Variants in CRAT observed in about 807,000 individuals in gnomAD.
CRAT encodes carnitine acetylase.
CRAT carries 66 observed loss-of-function variants against 73.7 expected under a neutral mutation model. The observed-to-expected ratio is 0.90, with a 90% CI of 0.73 to 1.10. CRAT has a LOEUF of 1.10. Ranked by LOEUF, CRAT falls within the 50% of genes least tolerant of loss-of-function variation. The pLI is 0.00. For missense variants in CRAT, 745 were observed against 846.9 expected, an observed-to-expected ratio of 0.88 and a Z score of 1.49; for synonymous variants, 321 against 343.2, an observed-to-expected ratio of 0.94 and a Z score of 0.71.
In CRAT at chr9:129,106,664, G is replaced by A. The variant is rs942360795; in HGVS notation, c.291+1150C>T. On this transcript the variant is annotated intron_variant, in intron 2 of 13. Transcript: ENST00000318080. This position sits in a 1 kb window ranked among gnomAD's most constrained non-coding sequence, Gnocchi z 4.0. The stretch of plus-strand genomic sequence containing the variant: ...CTGGAGTCCAAAGTCCTGACCTGAC[G>A]CGTCTCAGCAAATGTTGACAACTCC... 2.6e-5 allele frequency among the ~76,000 whole-genome samples: 4 copies of A among 152,098 alleles called. No homozygotes were observed. The highest frequency in any genetic ancestry group is 5.9e-5 in the Non-Finnish European group (4 of 68,018).
Position 129,104,253 on chromosome 9 carries a change from G to T in CRAT, c.345C>A (p.Val115=). 1 of 1,613,680 alleles carries T rather than the reference G, an allele frequency of 6.2e-7. No individual in the cohort carries two copies. Among genetic ancestry groups the T allele is most frequent in the South Asian group, 1.1e-5 (1 of 90,976 alleles). ...TAYLQYRQPV[V]IYSSPGVMLP... ...GCATCACGCCTGGGCTCGAGTAGATGACCACAGGCTGGCGGTACTGGAGGT... is the reference window on the plus strand; with the variant it reads ...GCATCACGCCTGGGCTCGAGTAGATTACCACAGGCTGGCGGTACTGGAGGT... The change falls in exon 3 of 14, where the codon GTC becomes GTA. Residue 115 remains valine (V), a synonymous_variant. Coordinates refer to ENST00000318080, the MANE Select transcript of CRAT (RefSeq NM_000755.5).
At chr9:129,102,160 G>T in intron 5 of CRAT, 103 bp from the exon 6 acceptor site, 1 of 1,380,864 alleles carries the variant, frequency 7.2e-7, no homozygotes, top group Non-Finnish European at 9.9e-7. Context: ...GGCCTTGGAG[G>T]GGATGGAGTC....
Position 129,110,444 on chromosome 9 carries a change from C to A in CRAT, c.27+39G>T. On this transcript the variant is annotated intron_variant, in intron 1 of 13. Transcript: ENST00000318080. This position sits in a 1 kb window ranked among gnomAD's most constrained non-coding sequence, Gnocchi z 5.3. ...GACGCAACCGCACGGCCCGCCCAGG[C>A]CGTCCAGGGCCCTCAGGCCCGGGAT... 6.5e-7 allele frequency: 1 copy of A among 1,538,468 alleles called. No individual in the cohort carries two copies. The highest frequency in any genetic ancestry group is 2.6e-5 in the East Asian group (1 of 38,056).
intron 5 of CRAT, 89 bp downstream of exon 5, chr9:129,102,311 G>A (rs954700880): frequency 3.2e-6 from 5 of 1,553,070 alleles, no homozygotes; most frequent in African/African-American, 1.4e-5. Context: ...CGTGTGCTGG[G>A]GAACCCCAGT....
chr9:129,109,142 G>A, intron 1 of CRAT: 1 of 1,304,034 alleles, frequency 7.7e-7, no homozygotes, highest in Non-Finnish European at 1.0e-6. Context: ...TGGGCTCAGT[G>A]CCAGGGAGTC....
intron 11 of CRAT, 76 bp from the exon 12 acceptor site, chr9:129,097,388 C>T: frequency 8.6e-7 from 1 of 1,160,630 alleles, no homozygotes; most frequent in Non-Finnish European, 1.2e-6. Context: ...CCACCCCCAC[C>T]CAGCACTAGA....
rs575335773 is a variant in CRAT, at chr9:129,095,568, G to T, written c.1710C>A (p.Val570=). Residue 570 remains valine (V), a synonymous_variant, in exon 14 of 14, where the codon GTC becomes GTA. Transcript: ENST00000318080. The stretch of plus-strand genomic sequence containing the variant: ...TATAGCAGACACCGTAGCCGTCGGG[G>T]ACCACGGGCCCGAAGAACATGACAC... ...TDCVMFFGPV[V]PDGYGVCYNP... 1 of 1,613,354 alleles carries T rather than the reference G, an allele frequency of 6.2e-7. No homozygotes were observed. The highest frequency in any genetic ancestry group is 8.5e-7 in the Non-Finnish European group (1 of 1,179,994).
chr9:129,096,206 G>C, intron 12 of CRAT, 71 bp from the exon 13 acceptor site: 1 of 1,587,194 alleles, frequency 6.3e-7, no homozygotes, highest in Non-Finnish European at 8.6e-7. Context: ...TCTTCAGCCT[G>C]TGGCAGCGCC....
In CRAT at chr9:129,095,498, T is replaced by C; in HGVS notation, c.1780A>G (p.Ser594Gly). The part of the protein sequence containing the change: ...HINFSLSAYN[S>G]CAETNAARLA... ...CGGGCGGCGTTGGTCTCCGCGCAGC[T>C]GTTGTAGGCCGACAGGGAGAAGTTG... The change falls in exon 14 of 14, where the codon AGC (serine) becomes GGC (glycine). Residue 594 changes from serine to glycine, a missense_variant. Coordinates refer to ENST00000318080, the MANE Select transcript of CRAT (RefSeq NM_000755.5). 1.2e-6 allele frequency: 2 copies of C among 1,613,542 alleles called. No individual in the cohort carries two copies. The highest frequency in any genetic ancestry group is 1.7e-6 in the Non-Finnish European group (2 of 1,180,006).
chr9:129,108,917 A>C (rs1848188173), intron 1 of CRAT: 1 of 1,278,322 alleles, frequency 7.8e-7, no homozygotes, highest in Non-Finnish European at 1.0e-6. Flanking sequence ...GAAAGAGAAG[A>C]CAAGAGCCAA....
At position 129,101,736 on chromosome 9, in the gene CRAT, G is replaced by A. The variant is rs1847683536; in HGVS notation, c.805+147C>T. 13 of 1,018,670 alleles carry A rather than the reference G, an allele frequency of 1.3e-5. No individual in the cohort carries two copies. In the South Asian group the frequency reaches 2.0e-4, roughly 16 times the overall value. 63.1% of individuals were successfully genotyped at this position (1,018,670 alleles called of 1,614,324 possible). A position where few individuals can be genotyped will look rare whatever the true frequency, so the allele number is the denominator to read the frequency against. Reference sequence around the variant, plus strand: ...GCCTCCATTTTGCAACTGGCCCCTGGCTCCCACCTTCATGAACTCTTAACC... The same window carrying A: ...GCCTCCATTTTGCAACTGGCCCCTGACTCCCACCTTCATGAACTCTTAACC... On this transcript the variant is annotated intron_variant, in intron 6 of 13. Transcript: ENST00000318080.
At chr9:129,102,940 G>A (rs1847779057) in intron 4 of CRAT, 73 bp downstream of exon 4, 1 of 1,383,928 alleles carries the variant, frequency 7.2e-7, no homozygotes. Context: ...GGCCAGGGCT[G>A]GGGTCAGAGG....
Position 129,106,620 on chromosome 9 carries a change from C to T in CRAT, c.291+1194G>A, listed in dbSNP as rs1848030857. Among the ~76,000 whole-genome samples the T allele has an allele frequency of 6.6e-6, 1 of 152,086 alleles. No homozygotes were observed. Among genetic ancestry groups the T allele is most frequent in the Non-Finnish European group, 1.5e-5 (1 of 68,008 alleles). On this transcript the variant is annotated intron_variant, in intron 2 of 13. Transcript: ENST00000318080. This position sits in a 1 kb window ranked among gnomAD's most constrained non-coding sequence, Gnocchi z 4.0. Reference sequence around the variant, plus strand: ...GCCCCCAGACGCTCTAAGGACCTTTCGGGGGAAGCATCTTGGTTCTGGAGT... The same window carrying T: ...GCCCCCAGACGCTCTAAGGACCTTTTGGGGGAAGCATCTTGGTTCTGGAGT...
Position 129,096,129 on chromosome 9 carries a change from G to C in CRAT, c.1534C>G (p.Arg512Gly), listed in dbSNP as rs755208792. The C allele has an allele frequency of 3.1e-6, 5 of 1,612,948 alleles. No individual in the cohort carries two copies. The highest frequency in any genetic ancestry group is 2.2e-5 in the South Asian group (2 of 91,064). Residue 512 changes from arginine (R) to glycine (G), a missense_variant, in exon 13 of 14, where the codon CGC becomes GGC. By Grantham distance (125) the Arg-to-Gly change is moderately radical. Transcript: ENST00000318080. Reference protein sequence around the residue: ...AHRGYTDRAIRGEAFDRHLLG... With the variant: ...AHRGYTDRAIGGEAFDRHLLG... Reference sequence around the variant, plus strand: ...AGGTGTCGATCAAAGGCCTCCCCGCGGATGGCCTGTTGGGGTGGGAGAGCT... The same window carrying C: ...AGGTGTCGATCAAAGGCCTCCCCGCCGATGGCCTGTTGGGGTGGGAGAGCT...
Position 129,095,335 on chromosome 9 carries a change from G to A in CRAT, c.*62C>T. ...AGAGGGAACCAAGGAGCTGAGCCCT[G>A]GTGGGTGGCCCATCCCAGGGTGGGC... On this transcript the variant is annotated 3_prime_UTR_variant, in exon 14 of 14. Coordinates refer to ENST00000318080, the MANE Select transcript of CRAT (RefSeq NM_000755.5). 1.9e-6 allele frequency: 3 copies of A among 1,545,866 alleles called. No homozygotes were observed. In the South Asian group the frequency reaches 3.4e-5, roughly 17 times the overall value.
rs1847207480 is a variant in CRAT at position 129,095,352 on chromosome 9, AG to A, written c.*44del. 1 of 1,591,608 alleles carries A rather than the reference AG, an allele frequency of 6.3e-7. No individual in the cohort carries two copies. Among genetic ancestry groups the A allele is most frequent in the African/African-American group, 1.3e-5 (1 of 74,772 alleles). ...TGAGCCCTGGTGGGTGGCCCATCCC[AG>A]GGTGGGCTTGGCTGTGGCATTGGCA... On this transcript the variant is annotated 3_prime_UTR_variant, in exon 14 of 14. Transcript: ENST00000318080.
At chr9:129,098,793 A>ACT in intron 8 of CRAT, 143 bp from the exon 9 acceptor site, 2 of 880,390 alleles carry the variant, frequency 2.3e-6, no homozygotes, top group Non-Finnish European at 3.2e-6. Context: ...AACCACCCTC[A>ACT]CTTCAGCTTT....
In CRAT at chr9:129,104,354, G is replaced by GC. The variant is rs777078089; in HGVS notation, c.292-49dup. 1.3e-5 allele frequency: 19 copies of GC among 1,470,306 alleles called. No homozygotes were observed. In the South Asian group the frequency reaches 1.4e-4, roughly 11 times the overall value. The allele number at this position is 1,470,306 out of a possible 1,614,324, so 91.1% of individuals were successfully genotyped here. On this transcript the variant is annotated intron_variant, in intron 2 of 13. Transcript: ENST00000318080. ...TCAGGAGGGGTGCATGGGCCCTGGT[G>GC]CCCCCTGTTCCCCAGGGCTAGGGGA...
chr9:129,103,138 T>C lies in CRAT; in HGVS notation c.411-72A>G, dbSNP rs1847795184. 1.5e-6 allele frequency: 2 copies of C among 1,334,892 alleles called. No homozygotes were observed. The highest frequency in any genetic ancestry group is 1.1e-6 in the Non-Finnish European group (1 of 926,464). 82.7% of individuals were successfully genotyped at this position (1,334,892 alleles called of 1,614,324 possible). On this transcript the variant is annotated intron_variant, in intron 3 of 13. Coordinates refer to ENST00000318080, the MANE Select transcript of CRAT (RefSeq NM_000755.5). The surrounding 1 kb of genome is among the most constrained non-coding windows in gnomAD (Gnocchi z 4.6). ...GAGGCCCCGGGCTAGGGACACCTGC[T>C]TGGGGAGCGGGAGGTCTAGTCTTCC...
Sources: gnomAD v4.1 joint callset for allele counts (sites outside exome capture counted in the v4.1 genomes callset) on GRCh38, gnomAD v4.1.1 for gene constraint, Gnocchi (gnomAD v3.1) non-coding constraint, MANE v1.5 for transcripts, NCBI Gene and HGNC (gene_info 2026-07-23, HGNC 2026-07-21) for gene names.